USH2A: variants seen among roughly 807,000 people sequenced by gnomAD.
USH2A encodes usherin, also known as Usher syndrome 2A (autosomal recessive, mild).
USH2A carries 443 observed loss-of-function variants against 538.9 expected under a neutral mutation model. The observed-to-expected ratio is 0.82, with a 90% CI of 0.76 to 0.89. USH2A has a LOEUF of 0.89. Among genes scored for constraint, USH2A ranks in the 40% least tolerant of loss-of-function variants. The pLI, the probability that USH2A is intolerant of heterozygous loss-of-function variation, is 0.00. For synonymous variants in USH2A, 2,413 were observed against 2,273.5 expected, an observed-to-expected ratio of 1.06 and a Z score of -1.75; for missense variants, 6,633 against 6,324.8, an observed-to-expected ratio of 1.05 and a Z score of -1.65.
At position 215,669,959 on chromosome 1, in the gene USH2A, T is replaced by A. The variant is rs192000460; in HGVS notation, c.14133+1013A>T. ...GTTTCCTCTTTTAGAAAATTTCTGT[T>A]GGCATTGTTCCTGGCACTTAAGTGC... is the stretch of plus-strand genomic sequence containing the variant. On this transcript the variant is annotated intron_variant, in intron 64 of 71. Transcript: ENST00000307340. Among the ~76,000 whole-genome samples, 498 of 152,322 alleles carry A rather than the reference T, an allele frequency of 3.3e-3. 2 individuals are homozygous for A. Among genetic ancestry groups the A allele is most frequent in the African/African-American group, 0.011 (446 of 41,570 alleles).
intron 32 of USH2A, among the ~76,000 whole-genome samples, chr1:216,044,940 A>G (rs1286694024): frequency 1.3e-5 from 2 of 152,168 alleles, no homozygotes; most frequent in Non-Finnish European, 2.9e-5. Flanking sequence ...CTCAGACTAG[A>G]GGGGGGCCAA....
chr1:216,162,238 C>A (rs183745634), intron 21 of USH2A, among the ~76,000 whole-genome samples: 1 of 151,838 alleles, frequency 6.6e-6, no homozygotes, highest in East Asian at 1.9e-4. Context: ...TACAATTGAC[C>A]GTTGAGTTCT....
At chr1:216,234,232 C>T (rs1223127023) in intron 13 of USH2A, among the ~76,000 whole-genome samples, 1 of 152,002 alleles carries the variant, frequency 6.6e-6, no homozygotes, top group Non-Finnish European at 1.5e-5. Context: ...TTTTCCTTCC[C>T]CTAGATCCTA....
Position 215,674,721 on chromosome 1 carries a change from T to C in USH2A, c.13190A>G (p.Glu4397Gly). Residue 4397 changes from glutamate (E) to glycine (G), a missense_variant, in exon 63 of 72, where the codon GAG becomes GGG. Physicochemically the swap from Glu to Gly is moderately conservative, Grantham distance 98 (BLOSUM62 -2). Coordinates refer to ENST00000307340, the MANE Select transcript of USH2A (RefSeq NM_206933.4). ...TKYLVRYDNK[E>G]SLAGQGLCLL... Reference sequence around the variant, plus strand: ...GCACAGGCCCTGGCCAGCAAGGGACTCTTTATTATCATATCTAACTAAATA... The same window carrying C: ...GCACAGGCCCTGGCCAGCAAGGGACCCTTTATTATCATATCTAACTAAATA... 2 of 1,614,128 alleles carry C rather than the reference T, an allele frequency of 1.2e-6. No individual in the cohort carries two copies. Among genetic ancestry groups the C allele is most frequent in the South Asian group, 1.1e-5 (1 of 91,078 alleles).
intron 48 of USH2A, among the ~76,000 whole-genome samples, chr1:215,816,652 T>C (rs1247070924): frequency 1.3e-5 from 2 of 152,054 alleles, no homozygotes; most frequent in Non-Finnish European, 2.9e-5. Flanking sequence ...AATCATAAAA[T>C]GTCCTCCTCA....
chr1:216,207,204 T>C, intron 16 of USH2A, 69 bp downstream of exon 16: 1 of 1,586,140 alleles, frequency 6.3e-7, no homozygotes, highest in Non-Finnish European at 8.6e-7. Context: ...TTATCCTCAA[T>C]GTCAAAGAAC....
intron 20 of USH2A, among the ~76,000 whole-genome samples, chr1:216,185,966 TA>T (rs1433462805): frequency 6.6e-6 from 1 of 151,892 alleles, no homozygotes; most frequent in African/African-American, 2.4e-5. Context: ...TATTTTATAA[TA>T]AACCCAACTG....
intron 13 of USH2A, among the ~76,000 whole-genome samples, chr1:216,244,181 C>T (rs1470378310): frequency 1.3e-5 from 2 of 152,020 alleles, no homozygotes; most frequent in Non-Finnish European, 2.9e-5. Context: ...TACTGCATTC[C>T]ATGTCGGGAA....
chr1:216,336,321 C>T (rs572019192), intron 4 of USH2A, among the ~76,000 whole-genome samples: 10 of 151,142 alleles, frequency 6.6e-5, no homozygotes, highest in African/African-American at 2.2e-4. Context: ...TGAAAAAATG[C>T]TTTTTCCCTA....
chr1:215,774,503 G>GAT (rs1277318021), intron 55 of USH2A, among the ~76,000 whole-genome samples: 1 of 151,650 alleles, frequency 6.6e-6, no homozygotes, highest in Non-Finnish European at 1.5e-5. Context: ...TTATATCTGT[G>GAT]ATATATATAT....
Position 216,421,931 on chromosome 1 carries a change from A to T in USH2A, c.406T>A (p.Phe136Ile), listed in dbSNP as rs1165457274. The change falls in exon 2 of 72, where the codon TTT (phenylalanine) becomes ATT (isoleucine). Residue 136 changes from phenylalanine to isoleucine, a missense_variant. Physicochemically the swap from Phe to Ile is conservative, Grantham distance 21. Transcript: ENST00000307340. Reference sequence around the variant, plus strand: ...AGCTTTGGAGAAGGAGGAGAAGAAAAGCAGCTCTTGTGATTTCCAAAAATA... The same window carrying T: ...AGCTTTGGAGAAGGAGGAGAAGAAATGCAGCTCTTGTGATTTCCAAAAATA... The part of the protein sequence containing the change: ...SFIFGNHKSC[F>I]SSPPSPKLMA... 6 of 1,613,840 alleles carry T rather than the reference A, an allele frequency of 3.7e-6. No individual in the cohort carries two copies. Among genetic ancestry groups the T allele is most frequent in the Non-Finnish European group, 5.1e-6 (6 of 1,179,914 alleles).
In USH2A at chr1:215,782,919, G is replaced by C; in HGVS notation, c.10404C>G (p.Pro3468=). ...AAATCCTGTACTCATATGTCATGTA[G>C]GGCTTGAGGTTCACATCTGGAAAGA... ...TYSYTDVNLK[P]YMTYEYRISA... The change falls in exon 53 of 72, where the codon CCC becomes CCG. Residue 3468 remains proline, a synonymous_variant. Coordinates refer to ENST00000307340, the MANE Select transcript of USH2A (RefSeq NM_206933.4). 1 of 1,613,442 alleles carries C rather than the reference G, an allele frequency of 6.2e-7. No homozygotes were observed. The highest frequency in any genetic ancestry group is 8.5e-7 in the Non-Finnish European group (1 of 1,179,726).
rs536936971 is a variant in USH2A, at chr1:215,664,831, A to C, written c.14133+6141T>G. 2.0e-4 allele frequency among the ~76,000 whole-genome samples: 31 copies of C among 152,264 alleles called. No homozygotes were observed. In the South Asian group the frequency reaches 6.4e-3, roughly 32 times the overall value. On this transcript the variant is annotated intron_variant, in intron 64 of 71. Transcript: ENST00000307340. Reference sequence around the variant, plus strand: ...ATCTGTAAGCCAGAAGGTGGCCCTCACCAGACACTGAATCTGCAGGTGCCT... The same window carrying C: ...ATCTGTAAGCCAGAAGGTGGCCCTCCCCAGACACTGAATCTGCAGGTGCCT...
intron 58 of USH2A, among the ~76,000 whole-genome samples, chr1:215,751,910 T>C (rs1174021673): frequency 6.6e-6 from 1 of 152,184 alleles, no homozygotes; most frequent in Non-Finnish European, 1.5e-5. Context: ...ATTGTGCAGC[T>C]TGCCCAAGGC....
At position 215,773,484 on chromosome 1, in the gene USH2A, G is replaced by GTCTC. The variant is rs756571165; in HGVS notation, c.10939+6355_10939+6358dup. On this transcript the variant is annotated intron_variant, in intron 55 of 71. Transcript: ENST00000307340. Reference sequence around the variant, plus strand: ...CTCCCCACTTTACGGATGTCTCTCTGTCTCTCTGTCTCTCTCTCTCTCTCT... The same window carrying GTCTC: ...CTCCCCACTTTACGGATGTCTCTCTGTCTCTCTCTCTGTCTCTCTCTCTCTCTCT... Among the ~76,000 whole-genome samples, 172 of 112,236 alleles carry GTCTC rather than the reference G, an allele frequency of 1.5e-3. 2 individuals are homozygous for GTCTC. Among genetic ancestry groups the GTCTC allele is most frequent in the East Asian group, 8.2e-3 (25 of 3,044 alleles). 73.6% of individuals were successfully genotyped at this position (112,236 alleles called of 152,430 possible). A position where few individuals can be genotyped will look rare whatever the true frequency, so the allele number is the denominator to read the frequency against.
intron 20 of USH2A, among the ~76,000 whole-genome samples, chr1:216,180,448 TGCA>T (rs2102646056): frequency 6.6e-6 from 1 of 152,258 alleles, no homozygotes; most frequent in East Asian, 1.9e-4. Flanking sequence ...GCATTCTTTA[TGCA>T]GCATTTATTA....
At chr1:215,937,470 G>A (rs373863197) in intron 37 of USH2A, among the ~76,000 whole-genome samples, 4 of 152,044 alleles carry the variant, frequency 2.6e-5, no homozygotes, top group South Asian at 4.1e-4. Flanking sequence ...AGGCACTGAC[G>A]AGAACATGCC....
At chr1:215,665,344 C>T (rs1657572896) in intron 64 of USH2A, among the ~76,000 whole-genome samples, 1 of 152,156 alleles carries the variant, frequency 6.6e-6, no homozygotes, top group Non-Finnish European at 1.5e-5. Context: ...CTCAGTCACC[C>T]AGTCATGAGG....
At chr1:216,316,160 C>T (rs1056191069) in intron 9 of USH2A, among the ~76,000 whole-genome samples, 2 of 151,402 alleles carry the variant, frequency 1.3e-5, no homozygotes, top group African/African-American at 4.9e-5. Context: ...AGTGAGGCTC[C>T]CCAAGGTAAA....
Sources: gnomAD v4.1 joint callset for allele counts (sites outside exome capture counted in the v4.1 genomes callset) on GRCh38, gnomAD v4.1.1 for gene constraint, MANE v1.5 for transcripts, NCBI Gene and HGNC (gene_info 2026-07-23, HGNC 2026-07-21) for gene names.